Variants in HEMK2 observed in about 807,000 individuals in gnomAD.
HEMK2 encodes the protein HemK methyltransferase 2, ETF1 glutamine and histone H4 lysine, also known as methyltransferase HEMK2.
chr21:28,701,400 C>A, the HEMK2 span, among the ~76,000 whole-genome samples: 3 of 152,052 alleles, frequency 2.0e-5, no homozygotes, highest in South Asian at 2.1e-4. Flanking sequence ...AAACTCCATA[C>A]CTCTGACCAA....
At chr21:28,663,281 G>T in the HEMK2 span, among the ~76,000 whole-genome samples, 1 of 152,156 alleles carries the variant, frequency 6.6e-6, no homozygotes, top group Non-Finnish European at 1.5e-5. Flanking sequence ...GTCTAAAGAG[G>T]GCAGCAGCCA....
the HEMK2 span, among the ~76,000 whole-genome samples, chr21:28,683,910 A>C: frequency 3.9e-5 from 6 of 152,278 alleles, no homozygotes; most frequent in African/African-American, 1.2e-4. Context: ...GCATCATGAG[A>C]AGCTTCTTTT....
chr21:28,878,221 T>C, the HEMK2 span: 7 of 1,594,414 alleles, frequency 4.4e-6, no homozygotes, highest in South Asian at 3.4e-5. Flanking sequence ...GGTAACTAAA[T>C]AGAATAATCC....
chr21:28,724,437 T>C, the HEMK2 span, among the ~76,000 whole-genome samples: 2 of 152,260 alleles, frequency 1.3e-5, no homozygotes, highest in African/African-American at 4.8e-5. Flanking sequence ...ATTGCATTAC[T>C]AGCATTTGCA....
At chr21:28,753,714 C>A in the HEMK2 span, among the ~76,000 whole-genome samples, 3 of 152,206 alleles carry the variant, frequency 2.0e-5, no homozygotes, top group Admixed American at 2.0e-4. Context: ...AAACACCTTT[C>A]ACAAAACAGC....
At chr21:28,663,114 T>C in the HEMK2 span, among the ~76,000 whole-genome samples, 1 of 152,122 alleles carries the variant, frequency 6.6e-6, no homozygotes, top group East Asian at 1.9e-4. Context: ...CAAAGAATAA[T>C]CTGATGTAAA....
the HEMK2 span, among the ~76,000 whole-genome samples, chr21:28,800,935 A>G: frequency 6.6e-6 from 1 of 152,208 alleles, no homozygotes; most frequent in Non-Finnish European, 1.5e-5. Context: ...TACTCATCTC[A>G]TACAGCCTCT....
At chr21:28,826,183 C>G in the HEMK2 span, among the ~76,000 whole-genome samples, 6 of 152,182 alleles carry the variant, frequency 3.9e-5, no homozygotes, top group Non-Finnish European at 5.9e-5. Context: ...AGATGGAAGT[C>G]TCTCTCACTG....
At chr21:28,847,678 T>C in the HEMK2 span, among the ~76,000 whole-genome samples, 1 of 152,242 alleles carries the variant, frequency 6.6e-6, no homozygotes, top group South Asian at 2.1e-4. Flanking sequence ...GGCATCTTCA[T>C]CATGAAGACT....
At chr21:28,592,247 C>G in the HEMK2 span, among the ~76,000 whole-genome samples, 258 of 152,278 alleles carry the variant, frequency 1.7e-3, 1 homozygote, top group African/African-American at 5.9e-3. Context: ...GCTATTCTTA[C>G]TGGTGTGACA....
At chr21:28,638,062 T>G in the HEMK2 span, among the ~76,000 whole-genome samples, 2 of 152,244 alleles carry the variant, frequency 1.3e-5, no homozygotes, top group Non-Finnish European at 2.9e-5. Context: ...ACTTGGGGTA[T>G]GCATTTATTC....
At chr21:28,766,691 A>G in the HEMK2 span, among the ~76,000 whole-genome samples, 1 of 152,094 alleles carries the variant, frequency 6.6e-6, no homozygotes, top group African/African-American at 2.4e-5. Context: ...GAAGGAAATA[A>G]TGTCTTTTGC....
At chr21:28,736,097 T>C in the HEMK2 span, among the ~76,000 whole-genome samples, 1 of 152,186 alleles carries the variant, frequency 6.6e-6, no homozygotes. Context: ...GGAAGGGGTA[T>C]AGATCGACAC....
At chr21:28,847,936 C>T in the HEMK2 span, among the ~76,000 whole-genome samples, 5 of 152,036 alleles carry the variant, frequency 3.3e-5, no homozygotes, top group East Asian at 3.8e-4. Flanking sequence ...GTCGTAGATG[C>T]GAAACTTTAT....
the HEMK2 span, among the ~76,000 whole-genome samples, chr21:28,716,293 T>C: frequency 2.6e-5 from 4 of 152,190 alleles, no homozygotes; most frequent in Non-Finnish European, 5.9e-5. Flanking sequence ...GTTTATGTTA[T>C]CTATGATTTC....
chr21:28,879,317 A>G, the HEMK2 span, among the ~76,000 whole-genome samples: 2 of 152,092 alleles, frequency 1.3e-5, no homozygotes, highest in African/African-American at 4.8e-5. Context: ...ATCTCAGCTC[A>G]CTGCAAGCTC....
the HEMK2 span, among the ~76,000 whole-genome samples, chr21:28,826,087 G>A: frequency 3.9e-5 from 6 of 152,284 alleles, no homozygotes; most frequent in African/African-American, 1.2e-4. Flanking sequence ...GGCAAAACAC[G>A]TTAAATGACT....
chr21:28,634,385 A>G, the HEMK2 span, among the ~76,000 whole-genome samples: 1 of 152,138 alleles, frequency 6.6e-6, no homozygotes, highest in Non-Finnish European at 1.5e-5. Context: ...CTAACAGTAC[A>G]TTTCCATGTA....
chr21:28,862,851 T>G, the HEMK2 span, among the ~76,000 whole-genome samples: 1 of 152,252 alleles, frequency 6.6e-6, no homozygotes, highest in South Asian at 2.1e-4. Flanking sequence ...CACATCAGCA[T>G]TTAAGTACTG....
Sources: allele counts gnomAD v4.1 joint callset (sites outside exome capture counted in the v4.1 genomes callset), GRCh38; gene constraint gnomAD v4.1.1; transcripts MANE v1.5; gene names NCBI Gene and HGNC (gene_info 2026-07-23, HGNC 2026-07-21).